CAMTA1: variants seen among roughly 807,000 people sequenced by gnomAD.
CAMTA1 encodes the protein calmodulin binding transcription activator 1, also known as calmodulin-binding transcription activator 1.
CAMTA1 carries 27 observed loss-of-function variants against 170.9 expected under a neutral mutation model. The observed-to-expected ratio is 0.16, with a 90% CI of 0.12 to 0.22. The LOEUF (loss-of-function observed/expected upper bound fraction) is 0.22, where lower values mean the gene tolerates loss of function less well. CAMTA1 is among the 10% of genes least tolerant of loss of function. The pLI is 1.00. For synonymous variants in CAMTA1, 833 were observed against 891.5 expected (o/e 0.93, Z 1.17); for missense variants, 1,619 against 2,217.2 (o/e 0.73, Z 5.42).
intron 1 of CAMTA1, among the ~76,000 whole-genome samples, chr1:6,813,156 C>T (rs1645381873): frequency 6.6e-6 from 1 of 152,138 alleles, no homozygotes; most frequent in Non-Finnish European, 1.5e-5. Flanking sequence ...TATGTGAGCA[C>T]ATAATATTTT....
intron 3 of CAMTA1, among the ~76,000 whole-genome samples, chr1:6,841,850 C>T (rs2148700136): frequency 6.6e-6 from 1 of 152,264 alleles, no homozygotes; most frequent in East Asian, 1.9e-4. Flanking sequence ...ACTGATGACT[C>T]CTGTTGCTTG....
At chr1:6,936,860 C>T (rs1359169749) in intron 3 of CAMTA1, among the ~76,000 whole-genome samples, 2 of 151,972 alleles carry the variant, frequency 1.3e-5, no homozygotes, top group Non-Finnish European at 2.9e-5. Context: ...TGGTGGCAGG[C>T]GCCTGTAGTC....
rs754160101 is a variant in CAMTA1, at chr1:7,664,205, C to G, written c.1658C>G (p.Ala553Gly). 3 of 1,612,580 alleles carry G rather than the reference C, an allele frequency of 1.9e-6. No individual in the cohort carries two copies. The highest frequency in any genetic ancestry group is 2.5e-6 in the Non-Finnish European group (3 of 1,180,042). ...MAKEAYSSSA[A>G]AVAASSLTLT... Reference sequence around the variant, plus strand: ...AAAGAAGCGTACTCCTCCTCCGCGGCGGCTGTGGCAGCCAGCTCCCTCACC... The same window carrying G: ...AAAGAAGCGTACTCCTCCTCCGCGGGGGCTGTGGCAGCCAGCTCCCTCACC... The change falls in exon 9 of 23, where the codon GCG becomes GGG. Residue 553 changes from alanine to glycine, a missense_variant. By Grantham distance (60) the Ala-to-Gly change is moderately conservative. Transcript: ENST00000303635.
intron 3 of CAMTA1, among the ~76,000 whole-genome samples, chr1:6,957,073 G>A (rs1689585176): frequency 6.6e-6 from 1 of 152,224 alleles, no homozygotes; most frequent in African/African-American, 2.4e-5. Context: ...TGGATGTGGG[G>A]CTGGGACCTA....
intron 6 of CAMTA1, among the ~76,000 whole-genome samples, chr1:7,501,223 C>T (rs954036191): frequency 1.3e-5 from 2 of 152,148 alleles, no homozygotes; most frequent in African/African-American, 2.4e-5. Flanking sequence ...TTCCAGTCAG[C>T]AGAGCAAGGC....
intron 11 of CAMTA1, among the ~76,000 whole-genome samples, chr1:7,728,481 G>GCTCCA (rs1441134960): frequency 1.3e-5 from 2 of 152,198 alleles, no homozygotes; most frequent in African/African-American, 2.4e-5. Flanking sequence ...GTTCCAGAGT[G>GCTCCA]CTCTGGAACA....
intron 3 of CAMTA1, among the ~76,000 whole-genome samples, chr1:6,995,729 A>G (rs1697155990): frequency 6.6e-6 from 1 of 152,142 alleles, no homozygotes; most frequent in African/African-American, 2.4e-5. Flanking sequence ...TCCAAGAGGA[A>G]GGGGTACTGC....
rs71571885 is a variant in CAMTA1 at position 7,310,700 on chromosome 1, CTCTTTCTTTCTTTCTT to C, written c.438+61104_438+61119del. On this transcript the variant is annotated intron_variant, in intron 5 of 22. Transcript: ENST00000303635. ...TCTTTCTCTCTCTCTCTCTCTCTCT[CTCTTTCTTTCTTTCTT>C]TCTTTCTTTCTTTCTTTCTTTCTTT... Among the ~76,000 whole-genome samples, 2 of 53,494 alleles carry C rather than the reference CTCTTTCTTTCTTTCTT, an allele frequency of 3.7e-5. 1 individual carries two copies. Among genetic ancestry groups the C allele is most frequent in the Non-Finnish European group, 6.3e-5 (2 of 31,554 alleles). 35.1% of individuals were successfully genotyped at this position (53,494 alleles called of 152,430 possible). A position where few individuals can be genotyped will look rare whatever the true frequency, so the allele number is the denominator to read the frequency against.
At chr1:7,027,382 G>T (rs1250186301) in intron 3 of CAMTA1, among the ~76,000 whole-genome samples, 1 of 152,128 alleles carries the variant, frequency 6.6e-6, no homozygotes, top group Non-Finnish European at 1.5e-5. Context: ...CGACTCCTGG[G>T]AGGCCCACGA....
intron 3 of CAMTA1, among the ~76,000 whole-genome samples, chr1:6,859,788 CA>C (rs1051277431): frequency 1.3e-5 from 2 of 151,432 alleles, no homozygotes; most frequent in African/African-American, 4.9e-5. Context: ...GTCCGTGTCT[CA>C]AAAAAAAGAA....
rs2095690150 is a variant in CAMTA1, at chr1:7,633,953, C to T, written c.511-6447C>T. On this transcript the variant is annotated intron_variant, in intron 6 of 22. Coordinates refer to ENST00000303635, the MANE Select transcript of CAMTA1 (RefSeq NM_015215.4). The surrounding 1 kb of genome is among the most constrained non-coding windows in gnomAD (Gnocchi z 4.1). The stretch of plus-strand genomic sequence containing the variant: ...GAGCGTGGCAGCCAGAGACCACAGC[C>T]CAGGGAGAGAAGCGGCAGATCTGGG... Among the ~76,000 whole-genome samples, 1 of 152,214 alleles carries T rather than the reference C, an allele frequency of 6.6e-6. No individual in the cohort carries two copies. Among genetic ancestry groups the T allele is most frequent in the South Asian group, 2.1e-4 (1 of 4,832 alleles).
intron 6 of CAMTA1, among the ~76,000 whole-genome samples, chr1:7,475,674 G>A (rs1173283540): frequency 6.6e-6 from 1 of 152,144 alleles, no homozygotes; most frequent in Non-Finnish European, 1.5e-5. Context: ...CGTGCGTGAC[G>A]GCCACTGAGC....
chr1:7,538,362 TAA>T, intron 6 of CAMTA1, among the ~76,000 whole-genome samples: 1 of 149,534 alleles, frequency 6.7e-6, no homozygotes, highest in African/African-American at 2.4e-5. Context: ...TTCTTTTCAT[TAA>T]AAAAAAAATA....
At chr1:7,741,960 TTA>T (rs1174855192) in intron 16 of CAMTA1, among the ~76,000 whole-genome samples, 2 of 150,714 alleles carry the variant, frequency 1.3e-5, no homozygotes, top group Admixed American at 6.6e-5. Context: ...TTTTTTTTTT[TTA>T]AATAAAAGCA....
intron 5 of CAMTA1, among the ~76,000 whole-genome samples, chr1:7,409,801 C>T (rs1406971386): frequency 6.6e-6 from 1 of 152,246 alleles, no homozygotes; most frequent in Non-Finnish European, 1.5e-5. Flanking sequence ...CCCAACTCCT[C>T]ACCTCATTTT....
chr1:7,466,940 A>C lies in CAMTA1; in HGVS notation c.439-890A>C, dbSNP rs2093225139. Among the ~76,000 whole-genome samples the C allele has an allele frequency of 2.0e-5, 3 of 152,054 alleles. No homozygotes were observed. The South Asian group carries it at 6.2e-4, about 32-fold the overall frequency. ...GCTGGATTGCAAGAGGGACCTGATC[A>C]ATGGTTCTCCTTAGGCCCCTTTCTC... On this transcript the variant is annotated intron_variant, in intron 5 of 22. Transcript: ENST00000303635.
chr1:7,343,726 G>A (rs943843485), intron 5 of CAMTA1, among the ~76,000 whole-genome samples: 9 of 152,134 alleles, frequency 5.9e-5, no homozygotes, highest in Non-Finnish European at 1.0e-4. Context: ...TGACTTATAA[G>A]TGCATCCTTA....
intron 3 of CAMTA1, among the ~76,000 whole-genome samples, chr1:6,997,723 C>T (rs1299875925): frequency 9.9e-5 from 14 of 141,958 alleles, no homozygotes; most frequent in East Asian, 2.1e-4. Flanking sequence ...TGCAGTGGCT[C>T]GATCTTGGCT....
intron 3 of CAMTA1, among the ~76,000 whole-genome samples, chr1:6,881,328 G>C (rs1028575619): frequency 3.3e-5 from 5 of 152,204 alleles, no homozygotes; most frequent in Admixed American, 3.3e-4. Flanking sequence ...GTGACTGAGC[G>C]GGTATCTCTC....
Sources: gnomAD v4.1 joint callset for allele counts (sites outside exome capture counted in the v4.1 genomes callset) on GRCh38, gnomAD v4.1.1 for gene constraint, Gnocchi (gnomAD v3.1) non-coding constraint, MANE v1.5 for transcripts, NCBI Gene and HGNC (gene_info 2026-07-23, HGNC 2026-07-21) for gene names.